NBAS: variants seen among roughly 807,000 people sequenced by gnomAD.
NBAS encodes the protein NBAS subunit of NRZ tethering complex, also known as NAG/BC035112 fusion.
Under a neutral mutation model 302.5 loss-of-function variants are expected in NBAS, and 219 were observed. That is an observed-to-expected ratio of 0.72 (90% CI 0.65 to 0.81). NBAS has a LOEUF of 0.81. Among genes scored for constraint, NBAS ranks in the 30% least tolerant of loss-of-function variants. NBAS has a pLI of 0.00. For synonymous variants in NBAS, 1,118 were observed against 1,021.6 expected, an observed-to-expected ratio of 1.09 and a Z score of -1.80; for missense variants, 2,932 against 2,841.6, an observed-to-expected ratio of 1.03 and a Z score of -0.72.
chr2:15,197,485 T>C (rs1209049518), intron 48 of NBAS, among the ~76,000 whole-genome samples: 1 of 152,186 alleles, frequency 6.6e-6, no homozygotes, highest in Non-Finnish European at 1.5e-5. Flanking sequence ...TCTACTTTTT[T>C]TTACTAGAGA....
chr2:15,524,797 C>G (rs1309947388), intron 9 of NBAS, among the ~76,000 whole-genome samples: 1 of 149,148 alleles, frequency 6.7e-6, no homozygotes, highest in East Asian at 1.9e-4. Flanking sequence ...CCTAGGTATG[C>G]ATTTTTTTTT....
chr2:15,374,740 T>G lies in NBAS; in HGVS notation c.3591-20A>C, dbSNP rs749428179. 2.5e-6 allele frequency: 4 copies of G among 1,599,534 alleles called. No individual in the cohort carries two copies. In the African/African-American group the frequency reaches 5.4e-5, roughly 21 times the overall value. ...CAGCACCTAGAAGAAATTAGATAAA[T>G]TTTTAAAAAGAAGCAACATATGTTC... is the stretch of plus-strand genomic sequence containing the variant. On this transcript the variant is annotated intron_variant, in intron 30 of 51. Coordinates refer to ENST00000281513, the MANE Select transcript of NBAS (RefSeq NM_015909.4).
chr2:15,189,341 A>T (rs1330631744), intron 49 of NBAS, among the ~76,000 whole-genome samples: 1 of 152,158 alleles, frequency 6.6e-6, no homozygotes, highest in Non-Finnish European at 1.5e-5. Context: ...AATCTTTTCC[A>T]GATATTTGTT....
Position 15,178,993 on chromosome 2 carries a change from T to C in NBAS, c.6835A>G (p.Thr2279Ala). The change falls in exon 51 of 52, where the codon ACT becomes GCT. Residue 2279 changes from threonine to alanine, a missense_variant. Thr to Ala is a moderately conservative substitution (Grantham distance 58, BLOSUM62 0). Coordinates refer to ENST00000281513, the MANE Select transcript of NBAS (RefSeq NM_015909.4). ...EMALEQITAV[T>A]TVNDSNCDQE... ...GTAAATTCAACTGGGCATACCGTAGTGACTGCCGTGATTTGCTCCAGTGCC... is the reference window on the plus strand; with the variant it reads ...GTAAATTCAACTGGGCATACCGTAGCGACTGCCGTGATTTGCTCCAGTGCC... 6.2e-7 allele frequency: 1 copy of C among 1,613,402 alleles called. No individual in the cohort carries two copies. Among genetic ancestry groups the C allele is most frequent in the South Asian group, 1.1e-5 (1 of 91,040 alleles).
chr2:15,086,911 C>T, the NBAS span, among the ~76,000 whole-genome samples: 9 of 152,118 alleles, frequency 5.9e-5, no homozygotes, highest in Non-Finnish European at 1.2e-4. Flanking sequence ...ATTGCCCTTC[C>T]TAATGTGGGT....
intron 27 of NBAS, among the ~76,000 whole-genome samples, chr2:15,394,582 A>G (rs974742201): frequency 2.6e-5 from 4 of 152,122 alleles, no homozygotes; most frequent in Admixed American, 2.0e-4. Context: ...GCTAAGTAGC[A>G]TACTAAAAGA....
intron 44 of NBAS, among the ~76,000 whole-genome samples, chr2:15,244,120 A>G (rs1244227236): frequency 6.6e-6 from 1 of 152,194 alleles, no homozygotes; most frequent in Non-Finnish European, 1.5e-5. Context: ...ATACAGAACA[A>G]TATTTCAAAA....
chr2:14,844,503 G>C, the NBAS span, among the ~76,000 whole-genome samples: 32,430 of 152,174 alleles, frequency 0.21, 5,613 homozygotes, highest in African/African-American at 0.48. Flanking sequence ...AGATATCCTT[G>C]TATGTGAGAA....
chr2:15,401,289 A>G (rs1003419549), intron 26 of NBAS, among the ~76,000 whole-genome samples: 9 of 152,170 alleles, frequency 5.9e-5, no homozygotes, highest in African/African-American at 1.9e-4. Flanking sequence ...CATTTGCTTC[A>G]TAAGAAATAA....
chr2:14,948,698 G>T, the NBAS span, among the ~76,000 whole-genome samples: 1 of 150,798 alleles, frequency 6.6e-6, no homozygotes, highest in African/African-American at 2.5e-5. Flanking sequence ...TGCAATCCTC[G>T]TCAAAATACC....
the NBAS span, among the ~76,000 whole-genome samples, chr2:15,160,574 C>A: frequency 8.3e-6 from 1 of 120,968 alleles, no homozygotes; most frequent in African/African-American, 3.5e-5. Flanking sequence ...AGCAAGAAGT[C>A]CCAGTGTGGG....
the NBAS span, among the ~76,000 whole-genome samples, chr2:15,085,698 G>GC: frequency 3.9e-5 from 6 of 152,158 alleles, no homozygotes; most frequent in Admixed American, 1.3e-4. Context: ...GCCTACGAAG[G>GC]CCCCCCATGC....
chr2:14,924,147 G>GT, the NBAS span, among the ~76,000 whole-genome samples: 3 of 152,176 alleles, frequency 2.0e-5, no homozygotes, highest in African/African-American at 2.4e-5. Flanking sequence ...AAACCGAAGA[G>GT]TAAAGAGATT....
chr2:14,801,982 C>T, the NBAS span, among the ~76,000 whole-genome samples: 2 of 146,466 alleles, frequency 1.4e-5, no homozygotes, highest in Non-Finnish European at 3.0e-5. Flanking sequence ...TGCCTGTTCA[C>T]TCTGATGGTA....
intron 47 of NBAS, among the ~76,000 whole-genome samples, chr2:15,224,194 C>T (rs1220205994): frequency 2.0e-5 from 3 of 152,062 alleles, no homozygotes; most frequent in Admixed American, 2.0e-4. Flanking sequence ...TGTAATGTAG[C>T]ATGGAAGACA....
At chr2:15,417,813 T>C (rs1677022954) in intron 23 of NBAS, 101 bp from the exon 24 acceptor site, 5 of 1,187,826 alleles carry the variant, frequency 4.2e-6, no homozygotes, top group African/African-American at 1.6e-5. Context: ...ATAATCATTT[T>C]TTATAAAATT....
intron 47 of NBAS, among the ~76,000 whole-genome samples, chr2:15,225,554 T>C (rs1026331884): frequency 1.3e-5 from 2 of 152,080 alleles, no homozygotes; most frequent in Non-Finnish European, 2.9e-5. Flanking sequence ...CAATGTGCAA[T>C]CCCTAGATAA....
intron 44 of NBAS, among the ~76,000 whole-genome samples, chr2:15,257,956 T>C (rs1021134384): frequency 3.9e-5 from 6 of 152,190 alleles, no homozygotes; most frequent in African/African-American, 1.4e-4. Context: ...CATAAACTAG[T>C]TAAAAACAAT....
the NBAS span, among the ~76,000 whole-genome samples, chr2:15,008,625 A>C: frequency 2.0e-5 from 3 of 152,170 alleles, no homozygotes; most frequent in African/African-American, 7.2e-5. Flanking sequence ...GATCGGGGCT[A>C]CTTGCTTACC....
Sources: gnomAD v4.1 joint callset for allele counts (sites outside exome capture counted in the v4.1 genomes callset) on GRCh38, gnomAD v4.1.1 for gene constraint, MANE v1.5 for transcripts, NCBI Gene and HGNC (gene_info 2026-07-23, HGNC 2026-07-21) for gene names.